The following EEF2K variants were observed in gnomAD, a reference collection of about 807,000 sequenced individuals.
The protein encoded by EEF2K is eukaryotic elongation factor 2 kinase.
In EEF2K, 70 loss-of-function variants were observed where a neutral mutation model predicts 93.8. The ratio of observed to expected loss-of-function variants is 0.75; its 90% CI spans 0.62 to 0.91. The LOEUF (loss-of-function observed/expected upper bound fraction) is 0.91, where lower values mean the gene tolerates loss of function less well. Among genes scored for constraint, EEF2K ranks in the 40% least tolerant of loss-of-function variants. EEF2K has a pLI of 0.00. For synonymous variants in EEF2K, 376 were observed against 380.8 expected (o/e 0.99, Z 0.15); for missense variants, 935 against 972.9 (o/e 0.96, Z 0.52).
intron 16 of EEF2K, among the ~76,000 whole-genome samples, chr16:22,277,613 C>G (rs769523378): frequency 6.6e-6 from 1 of 152,120 alleles, no homozygotes; most frequent in Non-Finnish European, 1.5e-5. Context: ...TGGGGCTTAC[C>G]TTCTAGTCAA....
At chr16:22,257,872 T>TAA in intron 9 of EEF2K, 102 bp downstream of exon 9, 1 of 1,501,730 alleles carries the variant, frequency 6.7e-7, no homozygotes, top group South Asian at 1.3e-5. Flanking sequence ...AAGCAGTGCT[T>TAA]AACTGATGAA....
At chr16:22,207,776 CAG>C (rs777856865) in intron 1 of EEF2K, among the ~76,000 whole-genome samples, 1 of 152,110 alleles carries the variant, frequency 6.6e-6, no homozygotes, top group Non-Finnish European at 1.5e-5. Context: ...GTCACATAAA[CAG>C]ATTCTAAAAA....
intron 2 of EEF2K, among the ~76,000 whole-genome samples, chr16:22,228,804 G>A (rs766465651): frequency 1.3e-5 from 2 of 152,178 alleles, no homozygotes; most frequent in African/African-American, 2.4e-5. Flanking sequence ...ACAGAAATAC[G>A]CGGGGGTCTG....
At chr16:22,278,248 C>G (rs1249445142) in intron 16 of EEF2K, among the ~76,000 whole-genome samples, 1 of 152,018 alleles carries the variant, frequency 6.6e-6, no homozygotes, top group Non-Finnish European at 1.5e-5. Context: ...CTGAACTCGC[C>G]CTTTTATAAC....
At chr16:22,244,269 T>TTGTGTG (rs200282636) in intron 2 of EEF2K, among the ~76,000 whole-genome samples, 3,231 of 140,086 alleles carry the variant, frequency 0.023, 108 homozygotes, top group African/African-American at 0.074. Flanking sequence ...TATATATGTA[T>TTGTGTG]TGTGTGTGTG....
intron 6 of EEF2K, among the ~76,000 whole-genome samples, chr16:22,253,712 A>C (rs2047373242): frequency 1.3e-5 from 2 of 149,490 alleles, no homozygotes; most frequent in Admixed American, 1.3e-4. Flanking sequence ...TCATTCATTT[A>C]GTTAATATTT....
chr16:22,262,746 A>G (rs867953872), intron 11 of EEF2K, among the ~76,000 whole-genome samples: 8 of 152,154 alleles, frequency 5.3e-5, no homozygotes, highest in African/African-American at 1.9e-4. Context: ...TCCCATAACT[A>G]AGGACACTGA....
rs199875946 is a variant in EEF2K, at chr16:22,273,654, T to A, written c.1793T>A (p.Phe598Tyr). 4 of 1,614,044 alleles carry A rather than the reference T, an allele frequency of 2.5e-6. No individual in the cohort carries two copies. Among genetic ancestry groups the A allele is most frequent in the Non-Finnish European group, 3.4e-6 (4 of 1,180,028 alleles). The change falls in exon 16 of 18, where the codon TTT becomes TAT. Residue 598 changes from phenylalanine to tyrosine, a missense_variant. By Grantham distance (22) the Phe-to-Tyr change is conservative. Coordinates refer to ENST00000263026, the MANE Select transcript of EEF2K (RefSeq NM_013302.5). Reference sequence around the variant, plus strand: ...ACAGAAGAGAACAAAACCAAAGGATTTGATTACTTACTAAAGGCCGCTGAA... The same window carrying A: ...ACAGAAGAGAACAAAACCAAAGGATATGATTACTTACTAAAGGCCGCTGAA... Reference protein sequence around the residue: ...KETEENKTKGFDYLLKAAEAG... With the variant: ...KETEENKTKGYDYLLKAAEAG...
chr16:22,239,838 C>T (rs1211817513), intron 2 of EEF2K, among the ~76,000 whole-genome samples: 7 of 152,008 alleles, frequency 4.6e-5, no homozygotes, highest in Non-Finnish European at 8.8e-5. Flanking sequence ...AGGGGCCAGG[C>T]TCATGCCTGT....
At chr16:22,260,940 T>G (rs754020767) in intron 11 of EEF2K, among the ~76,000 whole-genome samples, 12 of 152,158 alleles carry the variant, frequency 7.9e-5, no homozygotes, top group Admixed American at 5.9e-4. Flanking sequence ...AGCTCTCCAG[T>G]TAGATAAACA....
chr16:22,207,854 A>G (rs1299616659), intron 1 of EEF2K, among the ~76,000 whole-genome samples: 1 of 152,112 alleles, frequency 6.6e-6, no homozygotes. Flanking sequence ...CTGTGTGTGT[A>G]AAGGGGAGAG....
rs529625938 is a variant in EEF2K, at chr16:22,225,873, G to C, written c.144G>C (p.Ser48=). Residue 48 remains serine, a synonymous_variant, in exon 2 of 18, where the codon TCG becomes TCC. Transcript: ENST00000263026. The stretch of plus-strand genomic sequence containing the variant: ...GCCCCATCACGGATGACCCAAGCTC[G>C]AACCAGAATGTCAATTCCAAGGTTA... ...FICPITDDPS[S]NQNVNSKVNK... is the part of the protein sequence containing the mutation. The C allele has an allele frequency of 3.7e-6, 6 of 1,614,184 alleles. No individual in the cohort carries two copies. The Admixed American group carries it at 1.0e-4, about 27-fold the overall frequency.
chr16:22,248,947 T>G (rs1004454765), intron 4 of EEF2K, 132 bp downstream of exon 4: 17 of 941,110 alleles, frequency 1.8e-5, no homozygotes, highest in Non-Finnish European at 2.7e-5. Context: ...TCTTTGTTAT[T>G]GTTTATTTAT....
At chr16:22,280,056 T>C (rs1245170899) in intron 16 of EEF2K, 142 bp from the exon 17 acceptor site, 8 of 652,516 alleles carry the variant, frequency 1.2e-5, no homozygotes, top group Non-Finnish European at 1.9e-5. Flanking sequence ...CATAGATGTA[T>C]TGGCCTTGGA....
Position 22,234,978 on chromosome 16 carries a change from T to G in EEF2K, c.246+9003T>G, listed in dbSNP as rs2047153923. Among the ~76,000 whole-genome samples, 16 of 148,908 alleles carry G rather than the reference T, an allele frequency of 1.1e-4. No individual in the cohort carries two copies. In the Admixed American group the frequency reaches 1.1e-3, roughly 10 times the overall value. On this transcript the variant is annotated intron_variant, in intron 2 of 17. Transcript: ENST00000263026. The stretch of plus-strand genomic sequence containing the variant: ...TCACTGCAACCTCTGCCTCCCAGGT[T>G]CAAGTGATTCTCTTGCCTCAGCCTC...
At position 22,257,670 on chromosome 16, in the gene EEF2K, A is replaced by C; in HGVS notation, c.929A>C (p.Tyr310Ser). ...GTCCGCGGGATGGCGCTCTTCTTCTACTCTCATGCCTGCAACCGGATTTGC... is the reference window on the plus strand; with the variant it reads ...GTCCGCGGGATGGCGCTCTTCTTCTCCTCTCATGCCTGCAACCGGATTTGC... Reference protein sequence around the residue: ...LGVRGMALFFYSHACNRICES... With the variant: ...LGVRGMALFFSSHACNRICES... The change falls in exon 9 of 18, where the codon TAC becomes TCC. Residue 310 changes from tyrosine to serine, a missense_variant. Coordinates refer to ENST00000263026, the MANE Select transcript of EEF2K (RefSeq NM_013302.5). 6.2e-7 allele frequency: 1 copy of C among 1,613,668 alleles called. No individual in the cohort carries two copies. The highest frequency in any genetic ancestry group is 8.5e-7 in the Non-Finnish European group (1 of 1,179,994).
intron 2 of EEF2K, among the ~76,000 whole-genome samples, chr16:22,237,145 A>G (rs549290636): frequency 2.0e-5 from 3 of 151,200 alleles, no homozygotes; most frequent in African/African-American, 7.3e-5. Flanking sequence ...GGGTTTCACC[A>G]TGTTCACCAG....
At chr16:22,280,663 C>CTTTTTTT (rs11289061) in intron 17 of EEF2K, among the ~76,000 whole-genome samples, 4 of 130,190 alleles carry the variant, frequency 3.1e-5, no homozygotes, top group Non-Finnish European at 4.9e-5. Flanking sequence ...TCCTTTCTTT[C>CTTTTTTT]TTTTTTTTTT....
At chr16:22,209,721 C>T (rs946682180) in intron 1 of EEF2K, among the ~76,000 whole-genome samples, 4 of 152,220 alleles carry the variant, frequency 2.6e-5, no homozygotes, top group Middle Eastern at 3.2e-3. Context: ...GGGATGAAAG[C>T]GGCTTGGGCC....
Sources: gnomAD v4.1 joint callset for allele counts (sites outside exome capture counted in the v4.1 genomes callset) on GRCh38, gnomAD v4.1.1 for gene constraint, MANE v1.5 for transcripts, NCBI Gene and HGNC (gene_info 2026-07-23, HGNC 2026-07-21) for gene names.